FRMD6: variants seen among roughly 807,000 people sequenced by gnomAD.
FRMD6 encodes FERM domain-containing protein 6.
A neutral mutation model predicts 73.2 loss-of-function variants in FRMD6; 37 were observed. That is an observed-to-expected ratio of 0.51 (90% CI 0.39 to 0.66). FRMD6 has a LOEUF of 0.66. Ranked by LOEUF, FRMD6 falls within the 30% of genes least tolerant of loss-of-function variation. The probability of loss-of-function intolerance (pLI) is 0.00; values close to 1 mark genes in which losing one functional copy is unlikely to be tolerated. For synonymous variants in FRMD6, 273 were observed against 282.2 expected (o/e 0.97, Z 0.33); for missense variants, 714 against 780.5 (o/e 0.91, Z 1.02).
intron 1 of FRMD6, among the ~76,000 whole-genome samples, chr14:51,670,197 C>T (rs1465017975): frequency 6.6e-6 from 1 of 152,174 alleles, no homozygotes; most frequent in African/African-American, 2.4e-5. Context: ...GCCTCAGCCT[C>T]CCAAGTAGCT....
At chr14:51,522,273 A>G (rs1007242780) in intron 1 of FRMD6, among the ~76,000 whole-genome samples, 35 of 152,168 alleles carry the variant, frequency 2.3e-4, no homozygotes, top group African/African-American at 8.2e-4. Flanking sequence ...TCTTAATCTC[A>G]AAATTTTTGG....
At chr14:51,457,119 G>T in the FRMD6 span, among the ~76,000 whole-genome samples, 4 of 152,180 alleles carry the variant, frequency 2.6e-5, no homozygotes, top group African/African-American at 9.7e-5. Context: ...AAAATAGCCA[G>T]AAGAGAGAAT....
At chr14:51,423,964 A>C in the FRMD6 span, among the ~76,000 whole-genome samples, 5 of 152,240 alleles carry the variant, frequency 3.3e-5, no homozygotes, top group Non-Finnish European at 7.3e-5. Context: ...TTGAGAAAGA[A>C]CTTGTGTATG....
chr14:51,565,919 C>T (rs949773290), intron 1 of FRMD6, among the ~76,000 whole-genome samples: 6 of 152,170 alleles, frequency 3.9e-5, no homozygotes, highest in African/African-American at 1.4e-4. Context: ...AATCCCAGCA[C>T]TTTGGGAGGC....
chr14:51,633,535 A>C lies in FRMD6; in HGVS notation c.-146-56156A>C, dbSNP rs192280941. Among the ~76,000 whole-genome samples the C allele has an allele frequency of 3.7e-4, 52 of 139,182 alleles. No individual in the cohort carries two copies. In the Middle Eastern group the frequency reaches 0.02, roughly 54 times the overall value. The allele number at this position is 139,182 out of a possible 152,430, so 91.3% of individuals were successfully genotyped here. ...AGGATCACCTGAGCCCAGGAGGTGG[A>C]GACTGCAGTGAGCTAAGATCATGCC... On this transcript the variant is annotated intron_variant, in intron 2 of 14. Coordinates refer to the FRMD6 transcript ENST00000356218.
chr14:51,604,876 G>A (rs543100754), intron 2 of FRMD6, among the ~76,000 whole-genome samples: 1 of 152,118 alleles, frequency 6.6e-6, no homozygotes, highest in Non-Finnish European at 1.5e-5. Flanking sequence ...TTCAATTTTA[G>A]TATATGTGCT....
intron 7 of FRMD6, among the ~76,000 whole-genome samples, chr14:51,711,163 A>G (rs921825003): frequency 1.4e-5 from 2 of 139,998 alleles, no homozygotes; most frequent in African/African-American, 2.8e-5. Context: ...TAATTATGAG[A>G]TGGAAGGTCA....
intron 2 of FRMD6, among the ~76,000 whole-genome samples, chr14:51,608,598 C>T (rs1890360180): frequency 6.6e-6 from 1 of 152,060 alleles, no homozygotes; most frequent in Non-Finnish European, 1.5e-5. Flanking sequence ...CCTGTTCAGC[C>T]ACGCTTGCAG....
intron 7 of FRMD6, among the ~76,000 whole-genome samples, chr14:51,711,314 A>G (rs1896933072): frequency 6.6e-6 from 1 of 152,184 alleles, no homozygotes; most frequent in Admixed American, 6.5e-5. Flanking sequence ...AGGAATTTAA[A>G]AAGTAGAATA....
intron 1 of FRMD6, among the ~76,000 whole-genome samples, chr14:51,507,459 A>G (rs1884035494): frequency 6.6e-6 from 1 of 152,200 alleles, no homozygotes; most frequent in African/African-American, 2.4e-5. Flanking sequence ...GGATATCTGG[A>G]AGACACTAGG....
intron 1 of FRMD6, among the ~76,000 whole-genome samples, chr14:51,520,422 A>G (rs1166011671): frequency 6.6e-6 from 1 of 152,236 alleles, no homozygotes; most frequent in Non-Finnish European, 1.5e-5. Context: ...ATGATACAAC[A>G]ATTCCTCTCC....
intron 2 of FRMD6, chr14:51,584,055 A>G (rs931785747): frequency 6.6e-6 from 1 of 152,224 alleles, no homozygotes; most frequent in Non-Finnish European, 1.5e-5. Flanking sequence ...TAGTGCATTC[A>G]TATACTTATA....
chr14:51,497,687 T>C lies in FRMD6; in HGVS notation c.-210+8267T>C, dbSNP rs118148165. On this transcript the variant is annotated intron_variant, in intron 1 of 14. Coordinates refer to the FRMD6 transcript ENST00000356218. ...GTAATCTGTATAAAAATTATTGAGA[T>C]ATTTTAAACTTTTCCATACTACATG... is the stretch of plus-strand genomic sequence containing the variant. 1.5e-3 allele frequency among the ~76,000 whole-genome samples: 223 copies of C among 152,350 alleles called. 1 individual carries two copies. The highest frequency in any genetic ancestry group is 2.0e-3 in the Non-Finnish European group (136 of 68,028).
the FRMD6 span, among the ~76,000 whole-genome samples, chr14:51,474,664 A>C: frequency 6.6e-6 from 1 of 152,178 alleles, no homozygotes; most frequent in African/African-American, 2.4e-5. Context: ...GCCAGCCCAC[A>C]CTGGGGAGTG....
the FRMD6 span, among the ~76,000 whole-genome samples, chr14:51,433,014 GA>G: frequency 6.6e-6 from 1 of 152,320 alleles, no homozygotes; most frequent in Admixed American, 6.5e-5. Flanking sequence ...AAACAACACT[GA>G]GATACGATTT....
intron 12 of FRMD6, 34 bp downstream of exon 12, chr14:51,722,114 A>G (rs751706387): frequency 6.2e-7 from 1 of 1,611,912 alleles, no homozygotes; most frequent in Non-Finnish European, 8.5e-7. Context: ...CTTCCTTGGT[A>G]GCAGGTTATC....
rs562199660 is a variant in FRMD6 at position 51,594,496 on chromosome 14, T to C, written c.-147+24086T>C. Among the ~76,000 whole-genome samples, 305 of 150,412 alleles carry C rather than the reference T, an allele frequency of 2.0e-3. 1 individual carries two copies. The highest frequency in any genetic ancestry group is 3.5e-3 in the Non-Finnish European group (235 of 67,534). On this transcript the variant is annotated intron_variant, in intron 2 of 14. Transcript: ENST00000356218. ...GGCATGTGCCACCACGCCCGGCTAA[T>C]TTTATATTTTTTGGTAGAGATGGGG...
chr14:51,412,914 A>G, the FRMD6 span, among the ~76,000 whole-genome samples: 3 of 152,032 alleles, frequency 2.0e-5, no homozygotes, highest in Non-Finnish European at 4.4e-5. Flanking sequence ...TAACAATCAG[A>G]TATGCATTTG....
At chr14:51,606,893 A>AG (rs1890280235) in intron 2 of FRMD6, among the ~76,000 whole-genome samples, 1 of 152,076 alleles carries the variant, frequency 6.6e-6, no homozygotes, top group Non-Finnish European at 1.5e-5. Context: ...TGAGGTGGGG[A>AG]GGGGGCTGGC....
Sources: allele counts gnomAD v4.1 joint callset (sites outside exome capture counted in the v4.1 genomes callset), GRCh38; gene constraint gnomAD v4.1.1; transcripts MANE v1.5; gene names NCBI Gene and HGNC (gene_info 2026-07-23, HGNC 2026-07-21).